PWWP3B: variants seen among roughly 807,000 people sequenced by gnomAD.
PWWP3B encodes the protein PWWP domain-containing DNA repair factor 3B.
A neutral mutation model predicts 15.7 loss-of-function variants in PWWP3B; 5 were observed. The ratio of observed to expected loss-of-function variants is 0.32; its 90% confidence interval spans 0.17 to 0.67. The LOEUF is 0.67. Ranked by LOEUF, PWWP3B falls within the 30% of genes least tolerant of loss-of-function variation. The pLI, the probability that PWWP3B is intolerant of heterozygous loss-of-function variation, is 0.74. For missense variants in PWWP3B, 519 were observed against 493.1 expected (o/e 1.05, Z -0.50); for synonymous variants, 203 against 179.8 (o/e 1.13, Z -1.03).
At chrX:106,180,911 A>C (rs1359649015) in intron 2 of PWWP3B, among the ~76,000 whole-genome samples, 3 of 112,166 alleles carry the variant, frequency 2.7e-5, no homozygotes, top group Non-Finnish European at 5.6e-5. Flanking sequence ...CCTCCAGTCC[A>C]CTAATAAAGT....
chrX:106,184,916 TGG>T (rs1221007949), intron 2 of PWWP3B, among the ~76,000 whole-genome samples: 3 of 110,205 alleles, frequency 2.7e-5, no homozygotes, highest in Admixed American at 9.7e-5. Context: ...TCCTTCTGGG[TGG>T]GGGAGATTAG....
At chrX:106,200,299 C>G (rs774249194) in intron 2 of PWWP3B, among the ~76,000 whole-genome samples, 1 of 111,339 alleles carries the variant, frequency 9.0e-6, no homozygotes, top group African/African-American at 3.3e-5. Context: ...TGATGCCTTA[C>G]GTTGAACCTT....
chrX:106,181,674 C>A (rs1922213173), intron 2 of PWWP3B, among the ~76,000 whole-genome samples: 2 of 111,849 alleles, frequency 1.8e-5, no homozygotes, highest in South Asian at 7.5e-4. Context: ...GCTCTAGCTA[C>A]TTCCTGCTGG....
At chrX:106,190,199 G>A (rs1922832287) in intron 2 of PWWP3B, among the ~76,000 whole-genome samples, 2 of 111,518 alleles carry the variant, frequency 1.8e-5, no homozygotes, top group African/African-American at 6.5e-5. Flanking sequence ...ATCCTCTCCA[G>A]CACCTGTTGT....
chrX:106,179,981 A>G (rs966762231), intron 2 of PWWP3B, among the ~76,000 whole-genome samples: 4 of 111,230 alleles, frequency 3.6e-5, no homozygotes. Context: ...CTTAAAAACA[A>G]TCCTTTCCAA....
intron 2 of PWWP3B, among the ~76,000 whole-genome samples, chrX:106,189,883 C>G (rs1216465095): frequency 8.9e-6 from 1 of 112,332 alleles, no homozygotes; most frequent in Admixed American, 9.4e-5. Context: ...TCCCAAAGTG[C>G]TGGGATTACA....
chrX:106,196,844 C>A, intron 2 of PWWP3B, among the ~76,000 whole-genome samples: 1 of 111,940 alleles, frequency 8.9e-6, no homozygotes, highest in Middle Eastern at 4.7e-3. Context: ...ACATAATTGT[C>A]ATCTGGCTTG....
intron 2 of PWWP3B, among the ~76,000 whole-genome samples, chrX:106,181,634 C>G (rs139105376): frequency 0.014 from 1,540 of 110,698 alleles, 23 homozygotes; most frequent in African/African-American, 0.047. Flanking sequence ...ACAGGACACC[C>G]GAACTGCTGT....
intron 2 of PWWP3B, among the ~76,000 whole-genome samples, chrX:106,192,039 G>A (rs1218157840): frequency 1.8e-5 from 2 of 111,703 alleles, no homozygotes; most frequent in Non-Finnish European, 3.8e-5. Flanking sequence ...TTGGTATCAG[G>A]ATGATGCTGG....
chrX:106,179,135 T>C (rs1000919374), intron 2 of PWWP3B, among the ~76,000 whole-genome samples: 1 of 112,066 alleles, frequency 8.9e-6, no homozygotes, highest in African/African-American at 3.2e-5. Flanking sequence ...GAAATGTATT[T>C]TATTATCAGA....
At chrX:106,189,302 C>T (rs1477862797) in intron 2 of PWWP3B, among the ~76,000 whole-genome samples, 4 of 110,959 alleles carry the variant, frequency 3.6e-5, no homozygotes, top group Non-Finnish European at 7.5e-5. Flanking sequence ...CATATGTATA[C>T]ATGTGCCATG....
intron 2 of PWWP3B, among the ~76,000 whole-genome samples, chrX:106,192,652 C>T (rs1295468007): frequency 2.7e-5 from 3 of 111,387 alleles, no homozygotes; most frequent in Non-Finnish European, 5.7e-5. Context: ...AATTTTAGAT[C>T]TTTCCTGCTT....
rs758425300 is a variant in PWWP3B at position 106,207,265 on chromosome X, A to G, written c.1833A>G (p.Lys611=). Residue 611 remains lysine (K), a synonymous_variant, in exon 4 of 4, where the codon AAA becomes AAG. Transcript: ENST00000357175. ...AAGATCAGTTGGATGAAGTGGTGAA[A>G]TATTTACAAGAAGTCTGCAATCAAA... ...EDEDQLDEVV[K]YLQEVCNQID... 2.5e-6 allele frequency: 3 copies of G among 1,211,046 alleles called. No homozygotes were observed. The East Asian group carries it at 8.9e-5, about 36-fold the overall frequency.
chrX:106,205,734 C>A lies in PWWP3B; in HGVS notation c.302C>A (p.Thr101Lys). The change falls in exon 4 of 4, where the codon ACA becomes AAA. Residue 101 changes from threonine to lysine, a missense_variant. Coordinates refer to ENST00000357175, the MANE Select transcript of PWWP3B (RefSeq NM_001171020.2). ...KVALGILNERTNLSQASTSDE... is the reference protein window; with the variant it reads ...KVALGILNERKNLSQASTSDE... ...GCACTGGGTATTCTGAATGAGAGAA[C>A]AAATTTGAGTCAAGCAAGCACTTCA... 1.7e-6 allele frequency: 2 copies of A among 1,211,544 alleles called. No homozygotes were observed. The highest frequency in any genetic ancestry group is 2.2e-6 in the Non-Finnish European group (2 of 895,409).
chrX:106,183,883 G>T (rs1381259976), intron 2 of PWWP3B, among the ~76,000 whole-genome samples: 1 of 112,428 alleles, frequency 8.9e-6, no homozygotes, highest in Non-Finnish European at 1.9e-5. Context: ...GGGGCTTCTG[G>T]CCCAGAGAAC....
chrX:106,178,903 G>C (rs1231009172), intron 2 of PWWP3B, among the ~76,000 whole-genome samples: 1 of 111,769 alleles, frequency 8.9e-6, no homozygotes, highest in Non-Finnish European at 1.9e-5. Context: ...GAGGTGAAGA[G>C]ATTCGGATTC....
intron 2 of PWWP3B, among the ~76,000 whole-genome samples, chrX:106,184,975 T>A (rs1177860858): frequency 1.8e-5 from 2 of 111,225 alleles, no homozygotes; most frequent in Non-Finnish European, 3.8e-5. Context: ...AAGGCTAGTA[T>A]ATGGAGGTAA....
intron 2 of PWWP3B, among the ~76,000 whole-genome samples, chrX:106,196,586 A>G (rs1287336881): frequency 9.0e-6 from 1 of 111,535 alleles, no homozygotes; most frequent in Non-Finnish European, 1.9e-5. Context: ...ATGGTGAATA[A>G]TATTGATTGA....
Position 106,194,577 on chromosome X carries a change from C to A in PWWP3B, c.-400-9408C>A, listed in dbSNP as rs184593458. ...TTCTCCGTCCAGCTTTGTTCCATTG[C>A]TGTTGAGGAGCTGTGTTCCTTCGGA... On this transcript the variant is annotated intron_variant, in intron 2 of 3. Transcript: ENST00000357175. 3.7e-3 allele frequency among the ~76,000 whole-genome samples: 419 copies of A among 112,243 alleles called. 4 individuals are homozygous for A. The highest frequency in any genetic ancestry group is 0.028 in the Middle Eastern group (6 of 216).
Sources: gnomAD v4.1 joint callset for allele counts (sites outside exome capture counted in the v4.1 genomes callset) on GRCh38, gnomAD v4.1.1 for gene constraint, MANE v1.5 for transcripts, NCBI Gene and HGNC (gene_info 2026-07-23, HGNC 2026-07-21) for gene names.